The following SPAG17 variants were observed in gnomAD, a reference collection of about 807,000 sequenced individuals.
The protein encoded by SPAG17 is sperm associated antigen 17, also known as sperm-associated antigen 17.
A neutral mutation model predicts 273.6 loss-of-function variants in SPAG17; 169 were observed. The ratio of observed to expected loss-of-function variants is 0.62; its 90% CI spans 0.55 to 0.70. SPAG17 has a LOEUF of 0.70. SPAG17 is among the 30% of genes least tolerant of loss of function. The pLI is 0.00. For missense variants in SPAG17, 2,557 were observed against 2,627.8 expected, an observed-to-expected ratio of 0.97 and a Z score of 0.59; for synonymous variants, 825 against 873.2, an observed-to-expected ratio of 0.94 and a Z score of 0.97.
At chr1:117,964,672 TTTAC>T (rs1474265782) in intron 47 of SPAG17, 2 of 152,180 alleles carry the variant, frequency 1.3e-5, no homozygotes, top group African/African-American at 4.8e-5. Context: ...TTGTTTATGG[TTTAC>T]TTACTTTATG....
intron 48 of SPAG17, chr1:117,959,675 G>C (rs1652764565): frequency 2.7e-6 from 1 of 369,916 alleles, no homozygotes; most frequent in South Asian, 8.2e-5. Flanking sequence ...AAATCTTTCT[G>C]TGCTCTCAAA....
In SPAG17 at chr1:117,996,689, C is replaced by T. The variant is rs1399964037; in HGVS notation, c.4831G>A (p.Asp1611Asn). 4 of 1,612,576 alleles carry T rather than the reference C, an allele frequency of 2.5e-6. No homozygotes were observed. The highest frequency in any genetic ancestry group is 1.7e-5 in the Admixed American group (1 of 59,820). Residue 1611 changes from aspartate (D) to asparagine (N), a missense_variant, in exon 33 of 49, where the codon GAT becomes AAT. Physicochemically the swap from Asp to Asn is conservative, Grantham distance 23. Transcript: ENST00000336338. The part of the protein sequence containing the change: ...TILPEKKLED[D>N]LNEKTEGYDS... ...TAGCCCTCAGTTTTCTCATTTAAAT[C>T]ATCTTCCAATTTTTTTTCAGGTAAT...
chr1:117,994,810 T>C lies in SPAG17; in HGVS notation c.5054-280A>G, dbSNP rs541842340. ...ATACAAGTTCTGTCAGTTCTCCCAA[T>C]AAACTTGTTGAGTCCATCTTTTTCC... On this transcript the variant is annotated intron_variant, in intron 34 of 48. Transcript: ENST00000336338. 2.6e-5 allele frequency among the ~76,000 whole-genome samples: 4 copies of C among 152,190 alleles called. No homozygotes were observed. In the East Asian group the frequency reaches 5.8e-4, roughly 22 times the overall value.
intron 1 of SPAG17, among the ~76,000 whole-genome samples, chr1:118,175,021 CTTATTTAT>C (rs5777342): frequency 1.2e-4 from 18 of 150,672 alleles, no homozygotes; most frequent in East Asian, 5.9e-4. Context: ...GAAGGGGACT[CTTATTTAT>C]TTATTTATTT....
intron 32 of SPAG17, 124 bp downstream of exon 32, chr1:118,005,290 T>C (rs1658762035): frequency 1.1e-5 from 8 of 715,752 alleles, no homozygotes; most frequent in South Asian, 8.2e-5. Flanking sequence ...CCCAAAGTAT[T>C]GGCAGTAAGT....
At chr1:118,088,588 T>C (rs1023878577) in intron 10 of SPAG17, among the ~76,000 whole-genome samples, 3 of 152,068 alleles carry the variant, frequency 2.0e-5, no homozygotes, top group Non-Finnish European at 2.9e-5. Context: ...TCAGAGATGA[T>C]AGAGTCTGAA....
intron 1 of SPAG17, among the ~76,000 whole-genome samples, chr1:118,180,956 A>T: frequency 6.6e-6 from 1 of 152,202 alleles, no homozygotes. Flanking sequence ...ATCTATGCTA[A>T]TGGGTACATA....
intron 18 of SPAG17, among the ~76,000 whole-genome samples, chr1:118,065,399 C>CTT: frequency 6.6e-6 from 1 of 152,084 alleles, no homozygotes; most frequent in East Asian, 1.9e-4. Context: ...TTTCCACAAA[C>CTT]TATTTCAGAA....
intron 29 of SPAG17, among the ~76,000 whole-genome samples, chr1:118,015,672 T>C (rs560189101): frequency 1.4e-4 from 22 of 152,260 alleles, no homozygotes; most frequent in South Asian, 1.0e-3. Flanking sequence ...AAAAATGGCA[T>C]AGAGAACTCA....
chr1:117,956,009 C>T (rs1458328965), intron 48 of SPAG17, among the ~76,000 whole-genome samples: 2 of 152,130 alleles, frequency 1.3e-5, no homozygotes, highest in African/African-American at 4.8e-5. Flanking sequence ...TGATTTTTAG[C>T]AGGCTTTAAA....
intron 38 of SPAG17, among the ~76,000 whole-genome samples, 180 bp from the exon 39 acceptor site, chr1:117,988,384 A>G (rs939457574): frequency 1.3e-5 from 2 of 152,350 alleles, no homozygotes; most frequent in East Asian, 1.9e-4. Context: ...CTTTTATGAA[A>G]TATCCTACTA....
rs78013718 is a variant in SPAG17 at position 118,166,483 on chromosome 1, A to G, written c.88-15114T>C. Among the ~76,000 whole-genome samples the G allele has an allele frequency of 4.1e-3, 620 of 152,312 alleles. 1 individual carries two copies. Among genetic ancestry groups the G allele is most frequent in the African/African-American group, 0.014 (587 of 41,584 alleles). ...ATCATCCATAGATGGATCTTATTTA[A>G]CTATTTGTATACAAGACATGAAATA... is the stretch of plus-strand genomic sequence containing the variant. On this transcript the variant is annotated intron_variant, in intron 1 of 48. Coordinates refer to ENST00000336338, the MANE Select transcript of SPAG17 (RefSeq NM_206996.4).
chr1:118,072,047 A>G (rs1653651276), intron 17 of SPAG17, among the ~76,000 whole-genome samples: 1 of 152,230 alleles, frequency 6.6e-6, no homozygotes, highest in Admixed American at 6.5e-5. Flanking sequence ...CAAAGAGAAG[A>G]TCTTAAAATC....
chr1:118,151,875 AGG>A (rs1659404820), intron 1 of SPAG17, among the ~76,000 whole-genome samples: 1 of 152,234 alleles, frequency 6.6e-6, no homozygotes, highest in South Asian at 2.1e-4. Context: ...AATGTAACAC[AGG>A]AATCTTACTG....
At chr1:118,058,846 A>C (rs1429285979) in intron 18 of SPAG17, among the ~76,000 whole-genome samples, 1 of 152,220 alleles carries the variant, frequency 6.6e-6, no homozygotes, top group Non-Finnish European at 1.5e-5. Flanking sequence ...ACAAGGTAGA[A>C]AGTATTAAAG....
intron 29 of SPAG17, among the ~76,000 whole-genome samples, chr1:118,012,587 G>C (rs1659592583): frequency 6.6e-6 from 1 of 152,220 alleles, no homozygotes; most frequent in Non-Finnish European, 1.5e-5. Flanking sequence ...GAGAAGTTGA[G>C]AAGCTTGCTG....
intron 3 of SPAG17, among the ~76,000 whole-genome samples, chr1:118,140,196 T>C (rs1004651887): frequency 6.6e-5 from 10 of 152,204 alleles, no homozygotes; most frequent in African/African-American, 2.4e-4. Flanking sequence ...GGTATTGTTA[T>C]AAGCAACAGA....
rs1306240514 is a variant in SPAG17 at position 118,120,259 on chromosome 1, G to A, written c.316-4818C>T. Among the ~76,000 whole-genome samples, 8 of 150,012 alleles carry A rather than the reference G, an allele frequency of 5.3e-5. No homozygotes were observed. In the East Asian group the frequency reaches 1.6e-3, roughly 30 times the overall value. Reference sequence around the variant, plus strand: ...CCACTAAACCACATGTGACTATTGAGTACTTTAATATTGCTAGTGAGATTA... The same window carrying A: ...CCACTAAACCACATGTGACTATTGAATACTTTAATATTGCTAGTGAGATTA... On this transcript the variant is annotated intron_variant, in intron 3 of 48. Coordinates refer to ENST00000336338, the MANE Select transcript of SPAG17 (RefSeq NM_206996.4).
chr1:118,169,994 T>A (rs1413761622), intron 1 of SPAG17, among the ~76,000 whole-genome samples: 2 of 152,224 alleles, frequency 1.3e-5, no homozygotes, highest in African/African-American at 4.8e-5. Context: ...GGTTGGCAGA[T>A]GAAATATCTC....
Sources: gnomAD v4.1 joint callset for allele counts (sites outside exome capture counted in the v4.1 genomes callset) on GRCh38, gnomAD v4.1.1 for gene constraint, MANE v1.5 for transcripts, NCBI Gene and HGNC (gene_info 2026-07-23, HGNC 2026-07-21) for gene names.